TBC1D32: variants seen among roughly 807,000 people sequenced by gnomAD.
The protein encoded by TBC1D32 is protein broad-minded.
Under a neutral mutation model 170.3 loss-of-function variants are expected in TBC1D32, and 151 were observed. The ratio of observed to expected loss-of-function variants is 0.89; its 90% CI spans 0.78 to 1.01. TBC1D32 has a LOEUF of 1.01. TBC1D32 is among the 50% of genes least tolerant of loss of function. TBC1D32 has a pLI of 0.00. For synonymous variants in TBC1D32, 498 were observed against 488.0 expected (o/e 1.02, Z -0.27); for missense variants, 1,464 against 1,457.1 (o/e 1.00, Z -0.08).
At chr6:121,093,106 A>G (rs1777008642) in intron 30 of TBC1D32, among the ~76,000 whole-genome samples, 1 of 152,088 alleles carries the variant, frequency 6.6e-6, no homozygotes, top group African/African-American at 2.4e-5. Context: ...TGAATACCCA[A>G]TATTTGTCAA....
chr6:121,279,675 C>A (rs544230286), intron 14 of TBC1D32, among the ~76,000 whole-genome samples: 2 of 152,010 alleles, frequency 1.3e-5, no homozygotes, highest in East Asian at 3.9e-4. Context: ...CACATGTTTG[C>A]GTCATGAATG....
intron 12 of TBC1D32, among the ~76,000 whole-genome samples, chr6:121,286,529 G>A (rs1803864830): frequency 2.0e-5 from 3 of 152,032 alleles, no homozygotes; most frequent in Admixed American, 2.0e-4. Flanking sequence ...CGTCTGATTG[G>A]TGTACCTGAA....
Position 121,310,641 on chromosome 6 carries a change from A to G in TBC1D32, c.564+138T>C, listed in dbSNP as rs1583692957. ...TTTCATTTGGACTTTAAAGTTTACCAGGGATATCAGTCCAGGATTGCCCAT... is the reference window on the plus strand; with the variant it reads ...TTTCATTTGGACTTTAAAGTTTACCGGGGATATCAGTCCAGGATTGCCCAT... On this transcript the variant is annotated intron_variant, in intron 4 of 31. Coordinates refer to ENST00000398212, the MANE Select transcript of TBC1D32 (RefSeq NM_152730.6). The G allele has an allele frequency of 9.7e-6, 6 of 618,140 alleles. No individual in the cohort carries two copies. The East Asian group carries it at 1.6e-4, about 16-fold the overall frequency. The allele number at this position is 618,140 out of a possible 1,614,324, so 38.3% of individuals were successfully genotyped here.
intron 8 of TBC1D32, 71 bp from the exon 9 acceptor site, chr6:121,303,832 G>A (rs1173166868): frequency 9.6e-7 from 1 of 1,040,948 alleles, no homozygotes. Context: ...TTCATGGAAT[G>A]ATAAAGTAGC....
chr6:121,303,508 C>T, intron 9 of TBC1D32, 109 bp downstream of exon 9: 1 of 903,156 alleles, frequency 1.1e-6, no homozygotes, highest in Non-Finnish European at 1.5e-6. Context: ...TGAGCTAACA[C>T]ATGTAAAAGT....
intron 1 of TBC1D32, among the ~76,000 whole-genome samples, chr6:121,328,964 G>A (rs753890406): frequency 2.6e-5 from 4 of 152,130 alleles, no homozygotes; most frequent in Non-Finnish European, 5.9e-5. Context: ...ATTCTTCAAA[G>A]AGGGACATTA....
At chr6:121,144,812 TGA>T (rs1783211013) in intron 24 of TBC1D32, among the ~76,000 whole-genome samples, 1 of 152,076 alleles carries the variant, frequency 6.6e-6, no homozygotes, top group African/African-American at 2.4e-5. Context: ...AACTGAGAAC[TGA>T]CTATGGGGCA....
intron 12 of TBC1D32, 125 bp from the exon 13 acceptor site, chr6:121,284,035 G>A: frequency 3.0e-6 from 2 of 672,232 alleles, no homozygotes; most frequent in Non-Finnish European, 2.6e-6. Flanking sequence ...CAATCAGGAA[G>A]AAGGGAGCTA....
At chr6:121,189,927 T>C (rs1381354716) in intron 22 of TBC1D32, among the ~76,000 whole-genome samples, 1 of 152,008 alleles carries the variant, frequency 6.6e-6, no homozygotes, top group East Asian at 1.9e-4. Context: ...ATGGACAAGA[T>C]ACATTGTTTT....
chr6:121,131,289 G>T (rs1322795505), intron 25 of TBC1D32, among the ~76,000 whole-genome samples: 2 of 150,988 alleles, frequency 1.3e-5, no homozygotes, highest in Admixed American at 6.6e-5. Flanking sequence ...GAATAACAAT[G>T]TTGATTAAAA....
At chr6:121,098,893 C>G (rs147227933) in intron 30 of TBC1D32, among the ~76,000 whole-genome samples, 17 of 151,884 alleles carry the variant, frequency 1.1e-4, no homozygotes, top group African/African-American at 4.1e-4. Context: ...GGCGCAACAT[C>G]CAAAACATGA....
At chr6:121,145,247 C>A (rs1783277452) in intron 24 of TBC1D32, among the ~76,000 whole-genome samples, 1 of 152,046 alleles carries the variant, frequency 6.6e-6, no homozygotes, top group Admixed American at 6.6e-5. Flanking sequence ...TAAAGATGCT[C>A]CAAGCCAAAA....
chr6:121,270,392 G>A (rs1801205427), intron 15 of TBC1D32, among the ~76,000 whole-genome samples: 2 of 151,812 alleles, frequency 1.3e-5, no homozygotes, highest in South Asian at 4.2e-4. Flanking sequence ...AAAGAGAGAA[G>A]AATCAAATAG....
chr6:121,232,758 G>T (rs1161833192), intron 20 of TBC1D32, among the ~76,000 whole-genome samples: 1 of 151,736 alleles, frequency 6.6e-6, no homozygotes, highest in East Asian at 1.9e-4. Flanking sequence ...TTTTCCTGCT[G>T]GGTTTGGTTT....
intron 4 of TBC1D32, among the ~76,000 whole-genome samples, chr6:121,309,942 GA>G (rs529941983): frequency 1.0e-3 from 154 of 152,156 alleles, no homozygotes; most frequent in African/African-American, 3.5e-3. Flanking sequence ...GCTGAGGTGG[GA>G]AAATCACCTG....
chr6:121,089,242 C>A (rs1474509340), intron 31 of TBC1D32, among the ~76,000 whole-genome samples: 1 of 152,036 alleles, frequency 6.6e-6, no homozygotes, highest in African/African-American at 2.4e-5. Context: ...GTAAATGAAA[C>A]AGACCAAGTC....
At chr6:121,092,503 C>A (rs1289535557) in intron 30 of TBC1D32, among the ~76,000 whole-genome samples, 1 of 151,866 alleles carries the variant, frequency 6.6e-6, no homozygotes, top group Admixed American at 6.6e-5. Flanking sequence ...TTTTGGCATG[C>A]TGATCCTGCT....
chr6:121,190,499 C>T (rs1789860995), intron 22 of TBC1D32, among the ~76,000 whole-genome samples: 1 of 151,584 alleles, frequency 6.6e-6, no homozygotes, highest in Non-Finnish European at 1.5e-5. Flanking sequence ...TATCATCTTC[C>T]CGCCTCTAAT....
In TBC1D32 at chr6:121,160,104, C is replaced by A; in HGVS notation, c.2680-1G>T. 1 of 1,577,500 alleles carries A rather than the reference C, an allele frequency of 6.3e-7. No homozygotes were observed. The highest frequency in any genetic ancestry group is 8.7e-7 in the Non-Finnish European group (1 of 1,151,528). On this transcript the variant is annotated splice_acceptor_variant, in intron 23 of 31. Transcript: ENST00000398212. LOFTEE classifies it high-confidence loss of function. Reference sequence around the variant, plus strand: ...TTGGCCAAGGATATGGATTATCACTCTAAAAAAGAAGCAAGACAGATGACT... The same window carrying A: ...TTGGCCAAGGATATGGATTATCACTATAAAAAAGAAGCAAGACAGATGACT...
Sources: gnomAD v4.1 joint callset for allele counts (sites outside exome capture counted in the v4.1 genomes callset) on GRCh38, gnomAD v4.1.1 for gene constraint, MANE v1.5 for transcripts, NCBI Gene and HGNC (gene_info 2026-07-23, HGNC 2026-07-21) for gene names.